HIVEP1: variants seen among roughly 807,000 people sequenced by gnomAD.
The protein encoded by HIVEP1 is zinc finger protein 40.
Under a neutral mutation model 180.0 loss-of-function variants are expected in HIVEP1, and 36 were observed. The ratio of observed to expected loss-of-function variants is 0.20; its 90% confidence interval spans 0.15 to 0.26. HIVEP1 has a LOEUF of 0.26. Among genes scored for constraint, HIVEP1 ranks in the 10% least tolerant of loss-of-function variants. The pLI is 1.00. For synonymous variants in HIVEP1, 1,239 were observed against 1,239.0 expected (o/e 1.00, Z 0.00); for missense variants, 3,143 against 3,268.7 (o/e 0.96, Z 0.94).
At chr6:12,114,202 G>C (rs1775083324) in intron 3 of HIVEP1, among the ~76,000 whole-genome samples, 1 of 152,056 alleles carries the variant, frequency 6.6e-6, no homozygotes, top group African/African-American at 2.4e-5. Flanking sequence ...CTCCTTACTG[G>C]TATATGATAG....
At chr6:12,146,830 C>T (rs764052148) in intron 7 of HIVEP1, among the ~76,000 whole-genome samples, 11 of 151,928 alleles carry the variant, frequency 7.2e-5, no homozygotes, top group East Asian at 5.8e-4. Context: ...CAATTACTAT[C>T]GCCCAGGAGC....
intron 4 of HIVEP1, among the ~76,000 whole-genome samples, chr6:12,128,724 A>G (rs1758242025): frequency 6.6e-6 from 1 of 152,190 alleles, no homozygotes; most frequent in South Asian, 2.1e-4. Flanking sequence ...AAAATCTTAC[A>G]TAAAATCATA....
downstream of HIVEP1, among the ~76,000 whole-genome samples, chr6:12,168,225 T>TATATACA (rs371343189): frequency 9.9e-6 from 1 of 100,804 alleles, no homozygotes; most frequent in Middle Eastern, 7.8e-3. Context: ...TATACATATA[T>TATATACA]TATATACATA....
chr6:12,180,112 A>AT, the HIVEP1 span, among the ~76,000 whole-genome samples: 6 of 151,780 alleles, frequency 4.0e-5, no homozygotes, highest in South Asian at 2.1e-4. Context: ...AACACTTCAC[A>AT]TTTTTTTTCG....
the HIVEP1 span, among the ~76,000 whole-genome samples, chr6:12,208,703 A>G: frequency 1.4e-4 from 22 of 152,174 alleles, no homozygotes; most frequent in Admixed American, 1.4e-3. Context: ...AGGGGGACAC[A>G]GACACACACA....
Position 12,059,337 on chromosome 6 carries a change from C to T in HIVEP1, c.41-29847C>T, listed in dbSNP as rs139681853. Among the ~76,000 whole-genome samples the T allele has an allele frequency of 6.7e-3, 1,019 of 151,588 alleles. 5 individuals are homozygous for T. The highest frequency in any genetic ancestry group is 0.023 in the African/African-American group (957 of 41,428). On this transcript the variant is annotated intron_variant, in intron 2 of 8. Coordinates refer to ENST00000379388, the MANE Select transcript of HIVEP1 (RefSeq NM_002114.4). ...ACAGGCGTGAGCCACTGCGCCCAGC[C>T]AACATTCATACTTTCTTATCCTACA...
the HIVEP1 span, among the ~76,000 whole-genome samples, chr6:12,189,119 C>T: frequency 1.3e-5 from 2 of 151,824 alleles, no homozygotes; most frequent in Non-Finnish European, 2.9e-5. Flanking sequence ...AGTGTTTTAA[C>T]AGCCAATCAA....
chr6:12,156,797 C>T (rs1332930632), intron 7 of HIVEP1, among the ~76,000 whole-genome samples: 1 of 152,084 alleles, frequency 6.6e-6, no homozygotes, highest in Non-Finnish European at 1.5e-5. Flanking sequence ...TCCACATACC[C>T]TTATATAAAA....
chr6:12,152,694 A>G (rs1023845835), intron 7 of HIVEP1, among the ~76,000 whole-genome samples: 3 of 152,184 alleles, frequency 2.0e-5, no homozygotes, highest in Non-Finnish European at 4.4e-5. Context: ...GTATTCAGAG[A>G]CAGAAACATC....
chr6:12,211,062 C>G, the HIVEP1 span, among the ~76,000 whole-genome samples: 79,547 of 150,238 alleles, frequency 0.53, 21,675 homozygotes, highest in East Asian at 0.68. Flanking sequence ...TCAGGGGAAG[C>G]TACATAGACT....
intron 7 of HIVEP1, among the ~76,000 whole-genome samples, chr6:12,145,334 C>A (rs1444448986): frequency 1.3e-5 from 2 of 151,914 alleles, no homozygotes; most frequent in Non-Finnish European, 2.9e-5. Context: ...CACTTGAACA[C>A]AGGGAGGGGA....
rs1760645791 is a variant in HIVEP1, at chr6:12,164,747, T to C, written c.*286T>C. On this transcript the variant is annotated 3_prime_UTR_variant, in exon 9 of 9. Transcript: ENST00000379388. ...TATATGTATATGAAAACCAGGTAGT[T>C]ATTTGTGTTTAGTAAGGAAAACCTG... 3 of 202,794 alleles carry C rather than the reference T, an allele frequency of 1.5e-5. No homozygotes were observed. Among genetic ancestry groups the C allele is most frequent in the Admixed American group, 5.6e-5 (1 of 17,912 alleles). The allele number at this position is 202,794 out of a possible 1,614,324, so 12.6% of individuals were successfully genotyped here.
intron 7 of HIVEP1, among the ~76,000 whole-genome samples, chr6:12,146,719 T>C (rs188110488): frequency 3.3e-5 from 5 of 152,296 alleles, no homozygotes; most frequent in African/African-American, 1.2e-4. Flanking sequence ...TTGATAAAGA[T>C]CTGTTCTGTT....
chr6:12,170,412 T>C, the HIVEP1 span, among the ~76,000 whole-genome samples: 1 of 152,086 alleles, frequency 6.6e-6, no homozygotes, highest in Non-Finnish European at 1.5e-5. Context: ...TGGAGGAGAA[T>C]CCGTATTTAT....
rs563081715 is a variant in HIVEP1 at position 12,041,290 on chromosome 6, T to C, written c.40+25622T>C. Among the ~76,000 whole-genome samples the C allele has an allele frequency of 8.6e-5, 13 of 151,832 alleles. No homozygotes were observed. The South Asian group carries it at 1.0e-3, about 12-fold the overall frequency. On this transcript the variant is annotated intron_variant, in intron 2 of 8. Coordinates refer to ENST00000379388, the MANE Select transcript of HIVEP1 (RefSeq NM_002114.4). ...CAAAAACACTAGCCGGGCATGGTGG[T>C]GGGCACCTGTAGTCCCAGTTACTTG... is the stretch of plus-strand genomic sequence containing the variant.
At chr6:12,176,326 G>T in the HIVEP1 span, among the ~76,000 whole-genome samples, 1 of 149,438 alleles carries the variant, frequency 6.7e-6, no homozygotes, top group Non-Finnish European at 1.5e-5. Context: ...TCCACCTGCA[G>T]ATTCAAGCGA....
chr6:12,054,002 G>A (rs1168684039), intron 2 of HIVEP1, among the ~76,000 whole-genome samples: 1 of 152,190 alleles, frequency 6.6e-6, no homozygotes, highest in Non-Finnish European at 1.5e-5. Context: ...TATCAGAAAC[G>A]TAGGTTATCT....
At chr6:12,079,572 T>C (rs1772630870) in intron 2 of HIVEP1, among the ~76,000 whole-genome samples, 1 of 152,190 alleles carries the variant, frequency 6.6e-6, no homozygotes, top group Admixed American at 6.6e-5. Flanking sequence ...GATAAGACTT[T>C]TCTCCCTTAA....
intron 3 of HIVEP1, among the ~76,000 whole-genome samples, chr6:12,098,490 C>T (rs1773900410): frequency 6.6e-6 from 1 of 152,128 alleles, no homozygotes; most frequent in Admixed American, 6.5e-5. Context: ...CACAGAGTGA[C>T]TTATAAGGAT....
Sources: gnomAD v4.1 joint callset for allele counts (sites outside exome capture counted in the v4.1 genomes callset) on GRCh38, gnomAD v4.1.1 for gene constraint, MANE v1.5 for transcripts, NCBI Gene and HGNC (gene_info 2026-07-23, HGNC 2026-07-21) for gene names.